Variants in SPDYE10 observed in about 807,000 individuals in gnomAD.
SPDYE10 encodes the protein speedy/RINGO cell cycle regulator family member E10, also known as speedy protein E10.
the SPDYE10 span, among the ~76,000 whole-genome samples, chr7:73,123,824 T>TCTCTCTCTCTCTCTCC: frequency 6.6e-6 from 1 of 150,682 alleles, no homozygotes; most frequent in African/African-American, 2.5e-5. Context: ...TCTCTCTCTC[T>TCTCTCTCTCTCTCTCC]CTCTGGCTGG....
At chr7:73,130,261 C>G in the SPDYE10 span, among the ~76,000 whole-genome samples, 1 of 150,910 alleles carries the variant, frequency 6.6e-6, no homozygotes, top group Non-Finnish European at 1.5e-5. Flanking sequence ...CAAGACCAGC[C>G]TGGGCAACAT....
the SPDYE10 span, among the ~76,000 whole-genome samples, chr7:73,147,864 T>C: frequency 6.6e-6 from 1 of 151,232 alleles, no homozygotes; most frequent in African/African-American, 2.5e-5. Context: ...TGGAGTGCAA[T>C]GGCATGATCT....
chr7:73,138,461 C>T, the SPDYE10 span, among the ~76,000 whole-genome samples: 1 of 150,380 alleles, frequency 6.6e-6, no homozygotes, highest in Non-Finnish European at 1.5e-5. Flanking sequence ...TCACTGCAAC[C>T]TCCGCCTCCC....
the SPDYE10 span, among the ~76,000 whole-genome samples, chr7:73,138,416 C>T: frequency 1.3e-5 from 2 of 151,276 alleles, no homozygotes; most frequent in South Asian, 4.2e-4. Flanking sequence ...ACTCAAGTCA[C>T]CAGGCTGGAT....
chr7:73,154,852 C>T, the SPDYE10 span: 213 of 189,016 alleles, frequency 1.1e-3, 7 homozygotes, highest in African/African-American at 5.1e-3. Context: ...GGAGCCCCCC[C>T]AGGCGGACTA....
the SPDYE10 span, among the ~76,000 whole-genome samples, chr7:73,131,252 A>T: frequency 7.0e-6 from 1 of 142,606 alleles, no homozygotes; most frequent in Non-Finnish European, 1.5e-5. Flanking sequence ...GCCAGAAGGA[A>T]GCAGGAGCAA....
At chr7:73,131,203 TAAAAAA>T in the SPDYE10 span, among the ~76,000 whole-genome samples, 1 of 114,140 alleles carries the variant, frequency 8.8e-6, no homozygotes, top group African/African-American at 4.2e-5. Context: ...ACTGTCTCTT[TAAAAAA>T]AAAAAAAAAA....
At chr7:73,127,403 A>C in the SPDYE10 span, among the ~76,000 whole-genome samples, 1 of 123,628 alleles carries the variant, frequency 8.1e-6, no homozygotes, top group African/African-American at 3.1e-5. Context: ...ATGAAAAAAA[A>C]AAAAAATTAG....
chr7:73,149,698 A>G, the SPDYE10 span, among the ~76,000 whole-genome samples: 4 of 147,444 alleles, frequency 2.7e-5, no homozygotes, highest in Non-Finnish European at 6.0e-5. Flanking sequence ...GCAAAGTCCA[A>G]GATGGTCTCG....
chr7:73,127,622 T>A, the SPDYE10 span, among the ~76,000 whole-genome samples: 10 of 70,662 alleles, frequency 1.4e-4, no homozygotes, highest in Admixed American at 3.7e-4. Context: ...GGGAAGGGAA[T>A]GGAAGGGAAG....
chr7:73,130,456 GTTAGT>G, the SPDYE10 span, among the ~76,000 whole-genome samples: 6 of 150,958 alleles, frequency 4.0e-5, no homozygotes, highest in South Asian at 2.1e-4. Context: ...TATTTATTTA[GTTAGT>G]TTAGTTTAGT....
At chr7:73,116,852 A>G in the SPDYE10 span, among the ~76,000 whole-genome samples, 2 of 148,710 alleles carry the variant, frequency 1.3e-5, no homozygotes, top group Admixed American at 6.6e-5. Context: ...AAGTGCTGCA[A>G]TTACAGGCAT....
At chr7:73,117,457 GC>G in the SPDYE10 span, among the ~76,000 whole-genome samples, 1 of 118,614 alleles carries the variant, frequency 8.4e-6, no homozygotes, top group Non-Finnish European at 1.7e-5. Flanking sequence ...CATGTGATCT[GC>G]CCCTGCTTAG....
chr7:73,120,764 G>T, the SPDYE10 span, among the ~76,000 whole-genome samples: 5 of 149,664 alleles, frequency 3.3e-5, no homozygotes, highest in African/African-American at 1.3e-4. Context: ...CTCCAGCCTG[G>T]GCAACAGAGG....
the SPDYE10 span, among the ~76,000 whole-genome samples, chr7:73,134,450 G>A: frequency 1.3e-5 from 2 of 150,090 alleles, no homozygotes; most frequent in African/African-American, 5.0e-5. Context: ...TAGCACACCA[G>A]CATGGCACAT....
chr7:73,138,191 A>G, the SPDYE10 span, among the ~76,000 whole-genome samples: 5 of 151,590 alleles, frequency 3.3e-5, no homozygotes, highest in Non-Finnish European at 5.9e-5. Context: ...CTCTGAGAAT[A>G]GAAAGATGAA....
the SPDYE10 span, chr7:73,155,395 C>A: frequency 4.8e-6 from 1 of 209,896 alleles, no homozygotes; most frequent in African/African-American, 3.1e-5. Flanking sequence ...GGGGGCGCAC[C>A]CCGGGCCGCT....
the SPDYE10 span, among the ~76,000 whole-genome samples, chr7:73,123,788 C>CTCTCT: frequency 1.3e-3 from 126 of 97,458 alleles, no homozygotes; most frequent in Middle Eastern, 7.9e-3. Flanking sequence ...TCTCTCTCTC[C>CTCTCT]CTCTCTCTCT....
the SPDYE10 span, among the ~76,000 whole-genome samples, chr7:73,123,585 C>T: frequency 6.6e-6 from 1 of 152,220 alleles, no homozygotes; most frequent in East Asian, 1.9e-4. Context: ...TCCTGCCTCA[C>T]CCTCCTGGGA....
Sources: allele counts gnomAD v4.1 joint callset (sites outside exome capture counted in the v4.1 genomes callset), GRCh38; gene constraint gnomAD v4.1.1; transcripts MANE v1.5; gene names NCBI Gene and HGNC (gene_info 2026-07-23, HGNC 2026-07-21).